Variants in DYNC1I1 observed in about 807,000 individuals in gnomAD.
DYNC1I1 encodes the protein cytoplasmic dynein 1 intermediate chain 1.
In DYNC1I1, 43 loss-of-function variants were observed where a neutral mutation model predicts 86.6. That is an observed-to-expected ratio of 0.50 (90% CI 0.39 to 0.64). DYNC1I1 has a LOEUF of 0.64. Among genes scored for constraint, DYNC1I1 ranks in the 30% least tolerant of loss-of-function variants. DYNC1I1 has a pLI of 0.00. For synonymous variants in DYNC1I1, 262 were observed against 283.7 expected (o/e 0.92, Z 0.77); for missense variants, 604 against 788.8 (o/e 0.77, Z 2.81).
chr7:96,099,203 A>T (rs1241429508), downstream of DYNC1I1, among the ~76,000 whole-genome samples: 1 of 152,206 alleles, frequency 6.6e-6, no homozygotes, highest in Non-Finnish European at 1.5e-5. Context: ...GTGAGTGATG[A>T]TGTGAAAAGT....
chr7:95,896,198 T>A (rs770410655), intron 6 of DYNC1I1, among the ~76,000 whole-genome samples: 5 of 152,166 alleles, frequency 3.3e-5, no homozygotes, highest in Non-Finnish European at 5.9e-5. Flanking sequence ...TGCAGCACCA[T>A]CTGCCCAGGC....
downstream of DYNC1I1, among the ~76,000 whole-genome samples, chr7:96,102,593 G>C (rs1791151541): frequency 6.6e-6 from 1 of 152,184 alleles, no homozygotes; most frequent in African/African-American, 2.4e-5. Context: ...TACTGCTCTG[G>C]TGCATCTACT....
intron 6 of DYNC1I1, among the ~76,000 whole-genome samples, chr7:95,894,363 G>A (rs1004614157): frequency 5.3e-5 from 8 of 151,812 alleles, no homozygotes; most frequent in African/African-American, 1.9e-4. Context: ...GATCTCTCTA[G>A]GGTCTCTTTA....
At chr7:96,088,159 T>C (rs1409146797) in intron 16 of DYNC1I1, among the ~76,000 whole-genome samples, 1 of 152,134 alleles carries the variant, frequency 6.6e-6, no homozygotes, top group Non-Finnish European at 1.5e-5. Context: ...GTAGCATTAG[T>C]ATATGAAAAT....
intron 6 of DYNC1I1, among the ~76,000 whole-genome samples, chr7:95,907,003 A>C (rs781658739): frequency 1.4e-4 from 22 of 152,208 alleles, no homozygotes; most frequent in Non-Finnish European, 2.9e-4. Context: ...GTGGTTTCAT[A>C]GTCATTTAAA....
intron 6 of DYNC1I1, among the ~76,000 whole-genome samples, chr7:95,920,774 A>C (rs142822197): frequency 8.7e-4 from 132 of 152,330 alleles, no homozygotes; most frequent in African/African-American, 2.9e-3. Context: ...TTGCTATCAT[A>C]CACATTTATT....
At chr7:95,773,294 A>T (rs2115594335) in intron 1 of DYNC1I1, among the ~76,000 whole-genome samples, 1 of 152,334 alleles carries the variant, frequency 6.6e-6, no homozygotes, top group South Asian at 2.1e-4. Flanking sequence ...GCAGGGCATT[A>T]ATTAAACACT....
chr7:96,034,019 A>T (rs537022882), intron 12 of DYNC1I1, among the ~76,000 whole-genome samples: 1 of 152,076 alleles, frequency 6.6e-6, no homozygotes, highest in Non-Finnish European at 1.5e-5. Context: ...CTTGAAAAAA[A>T]TAATTATTAT....
At chr7:95,783,909 G>A (rs1218898438) in intron 1 of DYNC1I1, among the ~76,000 whole-genome samples, 3 of 152,150 alleles carry the variant, frequency 2.0e-5, no homozygotes, top group Admixed American at 1.3e-4. Context: ...CTACTTCCTA[G>A]TGTTGTGCTG....
chr7:95,970,590 A>G (rs551993668), intron 6 of DYNC1I1, among the ~76,000 whole-genome samples: 2 of 152,106 alleles, frequency 1.3e-5, no homozygotes, highest in African/African-American at 2.4e-5. Context: ...TGTGATTAAT[A>G]TTTATTTAAA....
At chr7:95,819,221 C>G (rs1179999220) in intron 4 of DYNC1I1, among the ~76,000 whole-genome samples, 1 of 152,164 alleles carries the variant, frequency 6.6e-6, no homozygotes, top group Non-Finnish European at 1.5e-5. Flanking sequence ...CTCTCTTCAG[C>G]TTGGATACTG....
At chr7:95,898,072 C>G (rs139228411) in intron 6 of DYNC1I1, among the ~76,000 whole-genome samples, 134 of 152,284 alleles carry the variant, frequency 8.8e-4, no homozygotes, top group African/African-American at 3.0e-3. Flanking sequence ...TTGGACATTG[C>G]CTTCAGCAAT....
At chr7:95,989,768 C>T (rs900673226) in intron 9 of DYNC1I1, among the ~76,000 whole-genome samples, 3 of 152,146 alleles carry the variant, frequency 2.0e-5, no homozygotes, top group Non-Finnish European at 4.4e-5. Context: ...TGCTTACCTA[C>T]GCTGTGGGGA....
intron 10 of DYNC1I1, among the ~76,000 whole-genome samples, chr7:96,019,132 G>C (rs1794477038): frequency 6.6e-6 from 1 of 152,082 alleles, no homozygotes; most frequent in Non-Finnish European, 1.5e-5. Flanking sequence ...CATTGTGGAA[G>C]GGCTAAATCA....
At chr7:96,100,684 TAAGG>T (rs937221158), downstream of DYNC1I1, among the ~76,000 whole-genome samples, 1 of 67,320 alleles carries the variant, frequency 1.5e-5, no homozygotes, top group Non-Finnish European at 2.9e-5. Context: ...GTGTGTGTGG[TAAGG>T]AAGAGGGAAG....
In DYNC1I1 at chr7:95,984,822, A is replaced by C; in HGVS notation, c.588A>C (p.Pro196=). ...DKKQEVKEAP[P]RELTEEEKQQ... ...AAAAATAAATAAATAAAGCCCCTCC[A>C]AGAGAGTTGACAGAGGAAGAAAAAC... is the stretch of plus-strand genomic sequence containing the variant. Residue 196 remains proline (P), a synonymous_variant, in exon 8 of 17, where the codon CCA becomes CCC. Coordinates refer to ENST00000447467, the MANE Select transcript of DYNC1I1 (RefSeq NM_001135556.2). The C allele has an allele frequency of 6.2e-7, 1 of 1,604,254 alleles. No individual in the cohort carries two copies. The highest frequency in any genetic ancestry group is 8.5e-7 in the Non-Finnish European group (1 of 1,177,314).
chr7:95,805,721 C>A (rs1277976391), intron 2 of DYNC1I1, among the ~76,000 whole-genome samples: 4 of 152,088 alleles, frequency 2.6e-5, no homozygotes, highest in Admixed American at 1.3e-4. Flanking sequence ...AAACCAGATA[C>A]CAAAGATATT....
intron 6 of DYNC1I1, among the ~76,000 whole-genome samples, chr7:95,942,389 C>T (rs1236828138): frequency 2.6e-5 from 4 of 152,102 alleles, no homozygotes; most frequent in African/African-American, 7.2e-5. Context: ...AATAGCTTAC[C>T]AACCAAAAAG....
intron 6 of DYNC1I1, among the ~76,000 whole-genome samples, chr7:95,908,214 CATAAACTTAGTTTCTAAAACAATAAAA>C (rs1791227428): frequency 1.3e-5 from 2 of 152,112 alleles, no homozygotes; most frequent in African/African-American, 4.8e-5. Flanking sequence ...ATGTATCTAT[CATAAACTTAGTTTCTAAAACAATAAAA>C]TATTTGTTTA....
Sources: gnomAD v4.1 joint callset for allele counts (sites outside exome capture counted in the v4.1 genomes callset) on GRCh38, gnomAD v4.1.1 for gene constraint, MANE v1.5 for transcripts, NCBI Gene and HGNC (gene_info 2026-07-23, HGNC 2026-07-21) for gene names.